The following MTA3 variants were observed in gnomAD, a reference collection of about 807,000 sequenced individuals.
MTA3 encodes metastasis associated 1 family member 3.
MTA3 carries 34 observed loss-of-function variants against 83.5 expected under a neutral mutation model. That is an observed-to-expected ratio of 0.41 (90% CI 0.31 to 0.54). The LOEUF (loss-of-function observed/expected upper bound fraction) is 0.54. Ranked by LOEUF, MTA3 falls within the 20% of genes least tolerant of loss-of-function variation. The pLI is 0.33. For synonymous variants in MTA3, 303 were observed against 252.7 expected (o/e 1.20, Z -1.89); for missense variants, 761 against 726.4 (o/e 1.05, Z -0.55).
intron 4 of MTA3, among the ~76,000 whole-genome samples, chr2:42,619,355 C>G (rs563112948): frequency 5.3e-5 from 8 of 152,224 alleles, no homozygotes; most frequent in Middle Eastern, 3.4e-3. Flanking sequence ...CATCTAGATG[C>G]TTTACTGTTC....
At chr2:42,622,940 A>C (rs1685723801) in intron 4 of MTA3, among the ~76,000 whole-genome samples, 1 of 152,246 alleles carries the variant, frequency 6.6e-6, no homozygotes, top group Non-Finnish European at 1.5e-5. Context: ...ACGGTATATT[A>C]GTAAGTGAAT....
intron 2 of MTA3, 119 bp downstream of exon 2, chr2:42,570,623 G>A: frequency 1.9e-6 from 1 of 512,980 alleles, no homozygotes; most frequent in Non-Finnish European, 3.3e-6. Context: ...AAATTGGGAG[G>A]CCTGGCGAGT....
chr2:42,580,992 T>G (rs1679555401), intron 3 of MTA3, among the ~76,000 whole-genome samples: 1 of 152,194 alleles, frequency 6.6e-6, no homozygotes, highest in Non-Finnish European at 1.5e-5. Context: ...ATAGGTTTGT[T>G]CTGAGTTTGC....
intron 9 of MTA3, among the ~76,000 whole-genome samples, chr2:42,690,155 T>G (rs761418380): frequency 6.6e-6 from 1 of 152,116 alleles, no homozygotes; most frequent in Non-Finnish European, 1.5e-5. Context: ...CAGCATAGCA[T>G]TACACTATCT....
intron 8 of MTA3, among the ~76,000 whole-genome samples, chr2:42,669,273 G>C (rs1690580121): frequency 6.6e-6 from 1 of 151,882 alleles, no homozygotes; most frequent in Non-Finnish European, 1.5e-5. Flanking sequence ...AGCAGAGATG[G>C]GCTTTTCACC....
chr2:42,660,878 A>G (rs1689630388), intron 8 of MTA3, among the ~76,000 whole-genome samples: 1 of 152,282 alleles, frequency 6.6e-6, no homozygotes, highest in East Asian at 1.9e-4. Flanking sequence ...GGGTCTTACT[A>G]TGTGATTGCC....
chr2:42,580,461 T>G (rs558485859), intron 3 of MTA3, among the ~76,000 whole-genome samples: 1 of 152,092 alleles, frequency 6.6e-6, no homozygotes, highest in Non-Finnish European at 1.5e-5. Flanking sequence ...AACCTCCGCC[T>G]TCTGGGTTCA....
At chr2:42,750,511 A>G (rs1192412043) in intron 16 of MTA3, among the ~76,000 whole-genome samples, 1 of 152,144 alleles carries the variant, frequency 6.6e-6, no homozygotes, top group Non-Finnish European at 1.5e-5. Context: ...CCTGTAGTGC[A>G]GTTCACTGTA....
At chr2:42,647,169 A>AAAAAAAAAAAAAC (rs1688288622) in intron 6 of MTA3, among the ~76,000 whole-genome samples, 1 of 148,482 alleles carries the variant, frequency 6.7e-6, no homozygotes, top group African/African-American at 2.5e-5. Flanking sequence ...AAAAAAAAAC[A>AAAAAAAAAAAAAC]AAAAAGAAAG....
At chr2:42,630,058 G>A (rs897118608) in intron 4 of MTA3, among the ~76,000 whole-genome samples, 1 of 152,118 alleles carries the variant, frequency 6.6e-6, no homozygotes, top group African/African-American at 2.4e-5. Context: ...TTACAGGCAT[G>A]AGCTAACACA....
intron 6 of MTA3, among the ~76,000 whole-genome samples, chr2:42,649,657 A>G (rs1005009250): frequency 6.6e-6 from 1 of 152,192 alleles, no homozygotes; most frequent in Non-Finnish European, 1.5e-5. Context: ...AAATTTTTAC[A>G]AAAGTGCCTT....
At chr2:42,743,668 A>G (rs932891867) in intron 16 of MTA3, among the ~76,000 whole-genome samples, 1 of 152,150 alleles carries the variant, frequency 6.6e-6, no homozygotes, top group African/African-American at 2.4e-5. Context: ...TGACTCTGTA[A>G]GTACAATATT....
chr2:42,577,105 A>AAAAAATATATATATATATATATAT (rs1211189566), intron 2 of MTA3, among the ~76,000 whole-genome samples: 1 of 86,920 alleles, frequency 1.2e-5, no homozygotes, highest in African/African-American at 5.4e-5. Context: ...AAAAAAAAAA[A>AAAAAATATATATATATATATATAT]ATATATATAT....
chr2:42,744,406 G>A (rs542934601), intron 16 of MTA3, among the ~76,000 whole-genome samples: 85 of 152,188 alleles, frequency 5.6e-4, no homozygotes, highest in Non-Finnish European at 9.7e-4. Flanking sequence ...CAGAGGCCTA[G>A]ACTTGAGACC....
At chr2:42,670,846 A>G (rs1158058762) in intron 8 of MTA3, among the ~76,000 whole-genome samples, 1 of 152,060 alleles carries the variant, frequency 6.6e-6, no homozygotes, top group Non-Finnish European at 1.5e-5. Context: ...CCTAAAAATA[A>G]AAACCAAGGA....
chr2:42,495,073 A>G (rs1051103888), intron 1 of MTA3: 1 of 152,712 alleles, frequency 6.5e-6, no homozygotes, highest in Admixed American at 6.5e-5. Flanking sequence ...AGGGTGGGGT[A>G]GGGTGAGATG....
chr2:42,675,219 G>C (rs1480525968), intron 8 of MTA3, among the ~76,000 whole-genome samples: 1 of 151,614 alleles, frequency 6.6e-6, no homozygotes, highest in East Asian at 1.9e-4. Context: ...CACTGCAACA[G>C]CCGCCTCCTG....
chr2:42,607,393 A>T (rs935054252), intron 3 of MTA3, among the ~76,000 whole-genome samples: 2 of 152,036 alleles, frequency 1.3e-5, no homozygotes, highest in African/African-American at 2.4e-5. Flanking sequence ...TTATTTATTT[A>T]TTTCGACATA....
chr2:42,666,488 C>T (rs1423565159), intron 8 of MTA3, among the ~76,000 whole-genome samples: 1 of 152,092 alleles, frequency 6.6e-6, no homozygotes, highest in East Asian at 1.9e-4. Flanking sequence ...CAGGCTGTAC[C>T]CTTCCTTTGG....
Sources: gnomAD v4.1 joint callset for allele counts (sites outside exome capture counted in the v4.1 genomes callset) on GRCh38, gnomAD v4.1.1 for gene constraint, MANE v1.5 for transcripts, NCBI Gene and HGNC (gene_info 2026-07-23, HGNC 2026-07-21) for gene names.